The following STAG1 variants were observed in gnomAD, a reference collection of about 807,000 sequenced individuals.
STAG1 encodes the protein STAG1 cohesin complex component.
A neutral mutation model predicts 170.9 loss-of-function variants in STAG1; 26 were observed. That is an observed-to-expected ratio of 0.15 (90% CI 0.11 to 0.21). STAG1 has a LOEUF of 0.21. STAG1 is among the 10% of genes least tolerant of loss of function. STAG1 has a pLI of 1.00. For synonymous variants in STAG1, 514 were observed against 497.7 expected, an observed-to-expected ratio of 1.03 and a Z score of -0.44; for missense variants, 964 against 1,509.5, an observed-to-expected ratio of 0.64 and a Z score of 5.99.
At chr3:136,536,444 G>C (rs375888103) in intron 6 of STAG1, among the ~76,000 whole-genome samples, 3 of 152,066 alleles carry the variant, frequency 2.0e-5, no homozygotes, top group South Asian at 4.2e-4. Context: ...TAGGACAGTA[G>C]TTAAGACTAT....
At chr3:136,476,652 G>C (rs957081819) in intron 10 of STAG1, among the ~76,000 whole-genome samples, 1 of 152,050 alleles carries the variant, frequency 6.6e-6, no homozygotes, top group Admixed American at 6.6e-5. Flanking sequence ...ACTTATAATG[G>C]GAATGAAAAT....
chr3:136,602,492 G>A (rs1938721000), intron 4 of STAG1, among the ~76,000 whole-genome samples: 1 of 151,732 alleles, frequency 6.6e-6, no homozygotes, highest in African/African-American at 2.4e-5. Flanking sequence ...CTACCTAAAG[G>A]TGGGAAGCAA....
intron 13 of STAG1, among the ~76,000 whole-genome samples, chr3:136,462,496 T>A (rs2089301870): frequency 6.6e-6 from 1 of 152,064 alleles, no homozygotes; most frequent in African/African-American, 2.4e-5. Context: ...AAGATTGATC[T>A]CCTGGAGGGG....
chr3:136,607,797 A>C (rs1939038721), intron 3 of STAG1, among the ~76,000 whole-genome samples: 1 of 152,244 alleles, frequency 6.6e-6, no homozygotes, highest in Non-Finnish European at 1.5e-5. Context: ...TGACATAATC[A>C]CATCATTCTG....
chr3:136,550,190 A>G (rs1936325224), intron 5 of STAG1, among the ~76,000 whole-genome samples: 1 of 152,096 alleles, frequency 6.6e-6, no homozygotes, highest in East Asian at 1.9e-4. Flanking sequence ...GATTATTTGG[A>G]AAAGACTGAG....
intron 29 of STAG1, 90 bp downstream of exon 29, chr3:136,349,068 G>C: frequency 1.0e-6 from 1 of 990,140 alleles, no homozygotes; most frequent in Middle Eastern, 2.1e-4. Context: ...TCATGTGCCT[G>C]ATACTATTAT....
At chr3:136,560,372 T>A (rs1020893585) in intron 5 of STAG1, among the ~76,000 whole-genome samples, 1 of 152,206 alleles carries the variant, frequency 6.6e-6, no homozygotes, top group African/African-American at 2.4e-5. Flanking sequence ...CCAAAGTAAA[T>A]ATGTACGTGT....
intron 4 of STAG1, among the ~76,000 whole-genome samples, chr3:136,600,674 G>C (rs954971140): frequency 6.6e-6 from 1 of 152,142 alleles, no homozygotes; most frequent in Non-Finnish European, 1.5e-5. Context: ...TGGGATTACA[G>C]GCTTGCGCAA....
intron 3 of STAG1, among the ~76,000 whole-genome samples, chr3:136,611,863 T>A (rs1466076640): frequency 2.0e-5 from 3 of 151,454 alleles, no homozygotes; most frequent in East Asian, 1.9e-4. Flanking sequence ...TTTTTTTTTT[T>A]ATAAGACAGA....
intron 4 of STAG1, among the ~76,000 whole-genome samples, chr3:136,574,254 A>C (rs1937370279): frequency 6.6e-6 from 1 of 151,808 alleles, no homozygotes; most frequent in African/African-American, 2.4e-5. Flanking sequence ...CAAAAAAAAA[A>C]CCCGACCACA....
chr3:136,388,400 G>A (rs768294016), intron 22 of STAG1, among the ~76,000 whole-genome samples: 21 of 152,062 alleles, frequency 1.4e-4, no homozygotes, highest in African/African-American at 3.9e-4. Flanking sequence ...ATGGAGTCTC[G>A]CTCTGTTGCC....
At chr3:136,656,821 G>A (rs938801349) in intron 1 of STAG1, among the ~76,000 whole-genome samples, 5 of 151,824 alleles carry the variant, frequency 3.3e-5, no homozygotes, top group Admixed American at 2.6e-4. Flanking sequence ...TAATTTACAC[G>A]TCAAAAAAAA....
Position 136,630,939 on chromosome 3 carries a change from T to G in STAG1, c.-41A>C, listed in dbSNP as rs752249106. On this transcript the variant is annotated 5_prime_UTR_variant, in exon 2 of 34. Transcript: ENST00000383202. ...TTCACAATGCAGCAAAATAATCAAG[T>G]GCTGTACAACTCAAAACTTTTAAAA... 4 of 1,534,144 alleles carry G rather than the reference T, an allele frequency of 2.6e-6. No individual in the cohort carries two copies. The highest frequency in any genetic ancestry group is 2.8e-5 in the African/African-American group (2 of 71,624).
chr3:136,412,738 G>C (rs922174686), intron 21 of STAG1, among the ~76,000 whole-genome samples: 2 of 151,980 alleles, frequency 1.3e-5, no homozygotes, highest in Non-Finnish European at 2.9e-5. Flanking sequence ...AAACAAAAAG[G>C]CTCAGAAACA....
At chr3:136,617,665 A>C (rs971372151) in intron 3 of STAG1, among the ~76,000 whole-genome samples, 1 of 152,212 alleles carries the variant, frequency 6.6e-6, no homozygotes, top group Non-Finnish European at 1.5e-5. Flanking sequence ...CAACCAAGAA[A>C]GGACAAAAGA....
chr3:136,445,396 A>G (rs963093489), intron 14 of STAG1, among the ~76,000 whole-genome samples: 6 of 152,182 alleles, frequency 3.9e-5, no homozygotes, highest in Non-Finnish European at 8.8e-5. Flanking sequence ...AGAAAAATAA[A>G]TTGTTTCAAA....
At chr3:136,369,600 G>A (rs148964430) in intron 23 of STAG1, among the ~76,000 whole-genome samples, 3 of 152,092 alleles carry the variant, frequency 2.0e-5, no homozygotes, top group East Asian at 3.9e-4. Context: ...TTGATTACAG[G>A]TCAAAGAACA....
chr3:136,561,005 T>C (rs569886760), intron 5 of STAG1, among the ~76,000 whole-genome samples: 1 of 152,184 alleles, frequency 6.6e-6, no homozygotes, highest in East Asian at 1.9e-4. Context: ...TTTAAAACAC[T>C]CTTTTGGTCC....
At chr3:136,428,221 A>G (rs1216932274) in intron 16 of STAG1, among the ~76,000 whole-genome samples, 2 of 152,196 alleles carry the variant, frequency 1.3e-5, no homozygotes, top group East Asian at 1.9e-4. Flanking sequence ...CCTTATCTGT[A>G]AAGCTGCTAA....
Sources: allele counts gnomAD v4.1 joint callset (sites outside exome capture counted in the v4.1 genomes callset), GRCh38; gene constraint gnomAD v4.1.1; transcripts MANE v1.5; gene names NCBI Gene and HGNC (gene_info 2026-07-23, HGNC 2026-07-21).